The following SLC15A4 variants were observed in gnomAD, a reference collection of about 807,000 sequenced individuals.
SLC15A4 encodes the protein hPHT1.
SLC15A4 carries 26 observed loss-of-function variants against 46.1 expected under a neutral mutation model. The ratio of observed to expected loss-of-function variants is 0.56; its 90% confidence interval spans 0.41 to 0.78. The LOEUF (loss-of-function observed/expected upper bound fraction) is 0.78. Ranked by LOEUF, SLC15A4 falls within the 30% of genes least tolerant of loss-of-function variation. SLC15A4 has a pLI of 0.00. For missense variants in SLC15A4, 751 were observed against 755.7 expected, an observed-to-expected ratio of 0.99 and a Z score of 0.07; for synonymous variants, 370 against 333.4, an observed-to-expected ratio of 1.11 and a Z score of -1.20.
intron 1 of SLC15A4, among the ~76,000 whole-genome samples, chr12:128,821,531 T>C (rs146714713): frequency 2.1e-4 from 32 of 152,332 alleles, no homozygotes; most frequent in South Asian, 4.1e-4. Flanking sequence ...TTTATGGAGA[T>C]TGAAATTTGA....
rs117443398 is a variant in SLC15A4 at position 128,807,208 on chromosome 12, G to A, written c.1258+1580C>T. Among the ~76,000 whole-genome samples, 35 of 150,380 alleles carry A rather than the reference G, an allele frequency of 2.3e-4. No individual in the cohort carries two copies. The East Asian group carries it at 5.2e-3, about 23-fold the overall frequency. On this transcript the variant is annotated intron_variant, in intron 5 of 7. Coordinates refer to ENST00000266771, the MANE Select transcript of SLC15A4 (RefSeq NM_145648.4). ...GAGCCACCGTGCCCGGCCTGCTAGC[G>A]CTTTTTAAAGACAGAACTGACGGAG...
At chr12:128,798,504 C>A (rs569296493) in intron 7 of SLC15A4, among the ~76,000 whole-genome samples, 185 of 152,334 alleles carry the variant, frequency 1.2e-3, no homozygotes, top group African/African-American at 4.3e-3. Context: ...TAAACGTTCA[C>A]CAGATTCTCA....
chr12:128,801,075 G>A, intron 5 of SLC15A4, 66 bp from the exon 6 acceptor site: 1 of 1,450,382 alleles, frequency 6.9e-7, no homozygotes, highest in Non-Finnish European at 9.3e-7. Context: ...CTAAAAATCT[G>A]ATGTTGGCTA....
chr12:128,809,661 T>G (rs1566051943), intron 3 of SLC15A4, 188 bp from the exon 4 acceptor site: 13 of 552,682 alleles, frequency 2.4e-5, no homozygotes, highest in Non-Finnish European at 3.5e-5. Flanking sequence ...GAGATCAATT[T>G]TGAAAAAGAA....
At chr12:128,800,584 A>G (rs1304623716) in intron 6 of SLC15A4, among the ~76,000 whole-genome samples, 1 of 152,206 alleles carries the variant, frequency 6.6e-6, no homozygotes, top group Non-Finnish European at 1.5e-5. Flanking sequence ...TCCAACCACG[A>G]TTGCTTTCTT....
rs577753463 is a variant in SLC15A4 at position 128,797,373 on chromosome 12, T to C, written c.1573+1886A>G. On this transcript the variant is annotated intron_variant, in intron 7 of 7. Transcript: ENST00000266771. The stretch of plus-strand genomic sequence containing the variant: ...TAACCTGTGGGGACCAACGCTGGAA[T>C]AGAACAGGTTTACCTTCTGAGGGGG... Among the ~76,000 whole-genome samples the C allele has an allele frequency of 1.6e-4, 23 of 140,426 alleles. No individual in the cohort carries two copies. The South Asian group carries it at 3.9e-3, about 24-fold the overall frequency. The allele number at this position is 140,426 out of a possible 152,430, so 92.1% of individuals were successfully genotyped here. A position where few individuals can be genotyped will look rare whatever the true frequency, so the allele number is the denominator to read the frequency against.
intron 5 of SLC15A4, among the ~76,000 whole-genome samples, chr12:128,806,701 G>C (rs1955593280): frequency 6.6e-6 from 1 of 152,118 alleles, no homozygotes; most frequent in African/African-American, 2.4e-5. Flanking sequence ...AAGAACGCCT[G>C]TTTCAGGACG....
At chr12:128,805,923 T>C (rs1279280862) in intron 5 of SLC15A4, among the ~76,000 whole-genome samples, 1 of 151,988 alleles carries the variant, frequency 6.6e-6, no homozygotes. Flanking sequence ...GGCTCATGCT[T>C]ATAATCCCAG....
At chr12:128,816,194 C>G (rs1955749071) in intron 1 of SLC15A4, among the ~76,000 whole-genome samples, 1 of 152,156 alleles carries the variant, frequency 6.6e-6, no homozygotes, top group African/African-American at 2.4e-5. Flanking sequence ...TTCAATGGAG[C>G]CCAAGCGGTG....
In SLC15A4 at chr12:128,823,722, G is replaced by A; in HGVS notation, c.222C>T (p.Ala74=). Residue 74 remains alanine (A), a synonymous_variant, in exon 1 of 8, where the codon GCC becomes GCT. Coordinates refer to ENST00000266771, the MANE Select transcript of SLC15A4 (RefSeq NM_145648.4). The stretch of plus-strand genomic sequence containing the variant: ...CCATGAAGAGCAGCAGCGCCTCGCT[G>A]GCCTGCGCGCCCTCCCAGCAGAACG... ...GAPFCWEGAQ[A]SEALLLFMGL... is the part of the protein sequence containing the mutation. The A allele has an allele frequency of 5.2e-6, 8 of 1,538,828 alleles. No individual in the cohort carries two copies. Among genetic ancestry groups the A allele is most frequent in the Non-Finnish European group, 5.2e-6 (6 of 1,151,622 alleles).
intron 5 of SLC15A4, among the ~76,000 whole-genome samples, chr12:128,806,391 G>GA (rs947419392): frequency 1.6e-3 from 239 of 150,832 alleles, no homozygotes; most frequent in African/African-American, 5.0e-3. Flanking sequence ...AAGATTAACA[G>GA]AAAAAAAAAT....
intron 2 of SLC15A4, chr12:128,813,580 G>A (rs1221307419): frequency 6.6e-6 from 1 of 152,212 alleles, no homozygotes; most frequent in African/African-American, 2.4e-5. Context: ...GCATGAGTAA[G>A]ACAAACACAG....
chr12:128,794,384 G>C lies in SLC15A4; in HGVS notation c.1574-28C>G, dbSNP rs767088765. 1.7e-5 allele frequency: 27 copies of C among 1,593,878 alleles called. No individual in the cohort carries two copies. In the South Asian group the frequency reaches 3.0e-4, roughly 18 times the overall value. On this transcript the variant is annotated intron_variant, in intron 7 of 7. Transcript: ENST00000266771. ...GGAGAAAACAAAAGGAAAGCGGCAG[G>C]TAAGCTGCGCTGCTACAGGTATTTT... is the stretch of plus-strand genomic sequence containing the variant.
chr12:128,805,506 T>C (rs572413700), intron 5 of SLC15A4, among the ~76,000 whole-genome samples: 8 of 152,278 alleles, frequency 5.3e-5, no homozygotes, highest in Non-Finnish European at 1.0e-4. Flanking sequence ...TATAAAACTT[T>C]CCAAGATTCC....
Position 128,808,809 on chromosome 12 carries a change from T to C in SLC15A4, c.1237A>G (p.Met413Val). 1.2e-6 allele frequency: 2 copies of C among 1,614,096 alleles called. No individual in the cohort carries two copies. Among genetic ancestry groups the C allele is most frequent in the African/African-American group, 1.3e-5 (1 of 75,004 alleles). ...TTACCTGCAGCAAAGGCCGAGCACA[T>C]GACAAAGAACATGCCCACGGCGATC... Reference protein sequence around the residue: ...KRIAVGMFFVMCSAFAAGILE... With the variant: ...KRIAVGMFFVVCSAFAAGILE... Residue 413 changes from methionine (M) to valine (V), a missense_variant, in exon 5 of 8, where the codon ATG (methionine) becomes GTG (valine). Met to Val is a conservative substitution (Grantham distance 21). Transcript: ENST00000266771.
intron 5 of SLC15A4, among the ~76,000 whole-genome samples, chr12:128,804,217 A>G (rs150052264): frequency 1.9e-3 from 292 of 152,354 alleles, no homozygotes; most frequent in African/African-American, 6.2e-3. Flanking sequence ...GCCATCATTA[A>G]CAAAAGTATA....
At chr12:128,822,208 C>G (rs1261576079) in intron 1 of SLC15A4, among the ~76,000 whole-genome samples, 8 of 152,260 alleles carry the variant, frequency 5.3e-5, no homozygotes, top group Non-Finnish European at 1.5e-5. Flanking sequence ...TCCTGAAGAG[C>G]TGCAGTGGTT....
At chr12:128,811,726 ACCTTT>A (rs1361329561) in intron 2 of SLC15A4, among the ~76,000 whole-genome samples, 1 of 152,254 alleles carries the variant, frequency 6.6e-6, no homozygotes, top group Non-Finnish European at 1.5e-5. Context: ...CATATTAAAT[ACCTTT>A]CACTAAAAAC....
intron 1 of SLC15A4, among the ~76,000 whole-genome samples, chr12:128,822,972 A>G (rs1258202982): frequency 6.6e-6 from 1 of 152,032 alleles, no homozygotes; most frequent in Non-Finnish European, 1.5e-5. Context: ...TTTCTCTGCT[A>G]GGACTACAGG....
Sources: allele counts gnomAD v4.1 joint callset (sites outside exome capture counted in the v4.1 genomes callset), GRCh38; gene constraint gnomAD v4.1.1; transcripts MANE v1.5; gene names NCBI Gene and HGNC (gene_info 2026-07-23, HGNC 2026-07-21).